PC: variants seen among roughly 807,000 people sequenced by gnomAD.
PC encodes pyruvate carboxylase, mitochondrial.
Under a neutral mutation model 107.8 loss-of-function variants are expected in PC, and 46 were observed. That is an observed-to-expected ratio of 0.43 (90% CI 0.34 to 0.55). PC has a LOEUF of 0.55. PC is among the 20% of genes least tolerant of loss of function. The pLI is 0.04. For missense variants in PC, 1,241 were observed against 1,643.1 expected, an observed-to-expected ratio of 0.76 and a Z score of 4.23; for synonymous variants, 662 against 684.7, an observed-to-expected ratio of 0.97 and a Z score of 0.52.
intron 3 of PC, among the ~76,000 whole-genome samples, chr11:66,882,799 G>A (rs1244607991): frequency 2.0e-5 from 3 of 152,170 alleles, no homozygotes; most frequent in Non-Finnish European, 4.4e-5. Flanking sequence ...AAACATGTCC[G>A]ACGGGCCCCA....
At chr11:66,877,042 C>T (rs1036209955) in intron 3 of PC, among the ~76,000 whole-genome samples, 5 of 152,198 alleles carry the variant, frequency 3.3e-5, no homozygotes, top group Non-Finnish European at 5.9e-5. Context: ...CTGAGCATCA[C>T]GGCAGCTTCT....
intron 13 of PC, 119 bp downstream of exon 13, chr11:66,853,120 G>C (rs1945604912): frequency 1.8e-6 from 2 of 1,140,598 alleles, no homozygotes; most frequent in Non-Finnish European, 2.5e-6. Flanking sequence ...TGAGGGCAGG[G>C]GTGAGGGGCA....
At chr11:66,904,888 C>T (rs1948105952) in intron 3 of PC, among the ~76,000 whole-genome samples, 1 of 152,246 alleles carries the variant, frequency 6.6e-6, no homozygotes, top group African/African-American at 2.4e-5. Context: ...CACTCTACCT[C>T]TGGACCTGTT....
intron 3 of PC, among the ~76,000 whole-genome samples, chr11:66,901,849 A>G (rs192535471): frequency 8.2e-4 from 125 of 152,012 alleles, no homozygotes; most frequent in Admixed American, 1.4e-3. Flanking sequence ...TGGTGCCTCA[A>G]CTTCCCTTGT....
chr11:66,855,906 C>A (rs1448234872), intron 12 of PC, among the ~76,000 whole-genome samples: 1 of 152,250 alleles, frequency 6.6e-6, no homozygotes, highest in African/African-American at 2.4e-5. Context: ...GATCAGAATT[C>A]CAATCTTGGG....
chr11:66,863,690 G>C (rs1946370666), intron 12 of PC, 84 bp downstream of exon 12: 1 of 1,427,338 alleles, frequency 7.0e-7, no homozygotes, highest in East Asian at 2.3e-5. Flanking sequence ...GAAGCCATGT[G>C]CAAGGCCCTT....
chr11:66,865,550 A>G (rs1946456469), intron 11 of PC, among the ~76,000 whole-genome samples: 1 of 152,152 alleles, frequency 6.6e-6, no homozygotes, highest in South Asian at 2.1e-4. Flanking sequence ...AGAGGAAGAA[A>G]GGTACAGGGA....
intron 3 of PC, among the ~76,000 whole-genome samples, chr11:66,922,980 T>C (rs1948629415): frequency 6.6e-6 from 1 of 152,196 alleles, no homozygotes; most frequent in African/African-American, 2.4e-5. Flanking sequence ...AAGGACAGAA[T>C]GGCCCACCAT....
chr11:66,868,393 G>A (rs949711472), intron 10 of PC, among the ~76,000 whole-genome samples: 6 of 152,236 alleles, frequency 3.9e-5, no homozygotes, highest in Non-Finnish European at 8.8e-5. Flanking sequence ...AATTTGAAAA[G>A]TAGAATAAAA....
intron 12 of PC, among the ~76,000 whole-genome samples, chr11:66,863,112 C>T (rs372065249): frequency 5.3e-4 from 81 of 152,262 alleles, no homozygotes; most frequent in African/African-American, 1.7e-3. Flanking sequence ...GAGGTCAAGG[C>T]GGGTGGAACA....
intron 3 of PC, among the ~76,000 whole-genome samples, chr11:66,906,721 G>A (rs1185743775): frequency 6.6e-6 from 1 of 151,980 alleles, no homozygotes; most frequent in African/African-American, 2.4e-5. Context: ...CAGGGAGCCT[G>A]GCCCGTTTGC....
chr11:66,944,404 C>A (rs1190576698), intron 3 of PC, among the ~76,000 whole-genome samples: 1 of 115,002 alleles, frequency 8.7e-6, no homozygotes, highest in Non-Finnish European at 1.9e-5. Context: ...CATGGTGAAA[C>A]CCCATCTCTA....
chr11:66,909,063 C>T (rs1018839197), intron 3 of PC, among the ~76,000 whole-genome samples: 6 of 152,178 alleles, frequency 3.9e-5, no homozygotes, highest in African/African-American at 1.4e-4. Context: ...AGCTGGAATG[C>T]CAAAGTGGGA....
At chr11:66,954,666 C>T (rs1446693395) in intron 1 of PC, among the ~76,000 whole-genome samples, 2 of 152,146 alleles carry the variant, frequency 1.3e-5, no homozygotes, top group African/African-American at 2.4e-5. Context: ...GACCAGAGGC[C>T]GGGTGCAGTG....
At chr11:66,909,123 G>A (rs1205488709) in intron 3 of PC, among the ~76,000 whole-genome samples, 2 of 152,254 alleles carry the variant, frequency 1.3e-5, no homozygotes, top group Non-Finnish European at 2.9e-5. Context: ...GCTGCTGGTT[G>A]TGACAATTCT....
At chr11:66,875,754 C>T (rs374292588) in intron 3 of PC, among the ~76,000 whole-genome samples, 24 of 152,240 alleles carry the variant, frequency 1.6e-4, no homozygotes, top group African/African-American at 5.5e-4. Flanking sequence ...CTATGGTGAA[C>T]GTGGGTAGAG....
At chr11:66,926,341 A>T (rs191680404) in intron 3 of PC, among the ~76,000 whole-genome samples, 7 of 152,398 alleles carry the variant, frequency 4.6e-5, no homozygotes, top group African/African-American at 1.7e-4. Context: ...GCAAGCAAAG[A>T]TAATTCAATA....
At chr11:66,930,196 A>G (rs1948813253) in intron 3 of PC, among the ~76,000 whole-genome samples, 1 of 149,490 alleles carries the variant, frequency 6.7e-6, no homozygotes, top group African/African-American at 2.6e-5. Context: ...AGCAGGTAGA[A>G]AAACAAAAAA....
chr11:66,859,223 AC>A (rs1469762316), intron 12 of PC: 1 of 1,224,648 alleles, frequency 8.2e-7, no homozygotes, highest in Non-Finnish European at 1.1e-6. Flanking sequence ...TGGCTGCTGG[AC>A]TCTTGGAGGA....
Sources: allele counts gnomAD v4.1 joint callset (sites outside exome capture counted in the v4.1 genomes callset), GRCh38; gene constraint gnomAD v4.1.1; transcripts MANE v1.5; gene names NCBI Gene and HGNC (gene_info 2026-07-23, HGNC 2026-07-21).